Variants in RASSF8 observed in about 807,000 individuals in gnomAD.
RASSF8 encodes the protein Ras association domain family member 8.
A neutral mutation model predicts 48.5 loss-of-function variants in RASSF8; 22 were observed. That is an observed-to-expected ratio of 0.45 (90% CI 0.32 to 0.65). RASSF8 has a LOEUF of 0.65. Ranked by LOEUF, RASSF8 falls within the 30% of genes least tolerant of loss-of-function variation. The probability of loss-of-function intolerance (pLI) is 0.03; values close to 1 mark genes in which losing one functional copy is unlikely to be tolerated. For synonymous variants in RASSF8, 127 were observed against 171.5 expected (o/e 0.74, Z 2.03); for missense variants, 418 against 489.2 (o/e 0.85, Z 1.37).
chr12:26,017,093 A>G (rs1462213202), intron 2 of RASSF8, among the ~76,000 whole-genome samples: 2 of 152,108 alleles, frequency 1.3e-5, no homozygotes, highest in Non-Finnish European at 2.9e-5. Context: ...ATGGGAATAA[A>G]AAGCTATTTA....
chr12:26,029,170 A>G (rs1942976993), intron 2 of RASSF8, among the ~76,000 whole-genome samples: 1 of 152,120 alleles, frequency 6.6e-6, no homozygotes, highest in Non-Finnish European at 1.5e-5. Flanking sequence ...GATTTTTCTC[A>G]TGTCTATCAT....
intron 2 of RASSF8, among the ~76,000 whole-genome samples, chr12:26,046,087 A>G (rs559673127): frequency 6.6e-6 from 1 of 152,292 alleles, no homozygotes; most frequent in Non-Finnish European, 1.5e-5. Flanking sequence ...GAGAGACTGG[A>G]AGGAGCAGTT....
intron 1 of RASSF8, among the ~76,000 whole-genome samples, chr12:25,991,780 T>C (rs1942020014): frequency 6.6e-6 from 1 of 152,208 alleles, no homozygotes; most frequent in African/African-American, 2.4e-5. Context: ...GTACAGGTTA[T>C]CTCTGTTCAT....
chr12:26,073,075 G>A (rs538673826), downstream of RASSF8, among the ~76,000 whole-genome samples: 115 of 152,312 alleles, frequency 7.6e-4, no homozygotes, highest in Non-Finnish European at 1.2e-3. Context: ...TATTTCAAAA[G>A]TGAAAGAAGA....
chr12:25,988,136 C>G (rs774905755), intron 1 of RASSF8, among the ~76,000 whole-genome samples: 41 of 151,840 alleles, frequency 2.7e-4, no homozygotes, highest in Non-Finnish European at 5.0e-4. Flanking sequence ...GCTGGGATTA[C>G]AGGTGTGAGC....
chr12:26,078,293 C>A (rs1591828391), intron 5 of RASSF8, among the ~76,000 whole-genome samples: 1 of 152,158 alleles, frequency 6.6e-6, no homozygotes. Context: ...ATAGGAAGTG[C>A]TTGTGATTTT....
exon 6 of RASSF8, chr12:26,079,416 C>A (rs185864567): frequency 7.3e-5 from 12 of 163,542 alleles, no homozygotes; most frequent in Admixed American, 1.9e-4. Flanking sequence ...TGGGCTAACA[C>A]CCATCTCTAC....
chr12:26,056,174 C>T (rs938441494), intron 3 of RASSF8, among the ~76,000 whole-genome samples: 2 of 152,090 alleles, frequency 1.3e-5, no homozygotes, highest in African/African-American at 4.8e-5. Context: ...GACAGCGAAA[C>T]TCGGTCTCAA....
intron 1 of RASSF8, among the ~76,000 whole-genome samples, chr12:25,971,824 T>G (rs765857368): frequency 6.6e-6 from 1 of 152,246 alleles, no homozygotes; most frequent in Non-Finnish European, 1.5e-5. Flanking sequence ...GGAGAAGTTT[T>G]CAGAGTTTGG....
intron 2 of RASSF8, among the ~76,000 whole-genome samples, chr12:26,024,359 G>A (rs1275407079): frequency 1.1e-4 from 16 of 152,124 alleles, no homozygotes; most frequent in Middle Eastern, 3.4e-3. Flanking sequence ...AAAAGTCTCC[G>A]TCCAAATGGC....
chr12:26,030,221 T>G (rs1241908790), intron 2 of RASSF8, among the ~76,000 whole-genome samples: 1 of 152,174 alleles, frequency 6.6e-6, no homozygotes, highest in Non-Finnish European at 1.5e-5. Context: ...TAGTAGGTTT[T>G]TTTCCCCCCA....
intron 2 of RASSF8, among the ~76,000 whole-genome samples, chr12:26,016,550 A>G (rs994013422): frequency 3.3e-5 from 5 of 152,180 alleles, no homozygotes; most frequent in Non-Finnish European, 5.9e-5. Flanking sequence ...ACATGTAAGA[A>G]TCTGTGCGAA....
At chr12:26,021,113 A>G (rs1048782496) in intron 2 of RASSF8, among the ~76,000 whole-genome samples, 15 of 152,328 alleles carry the variant, frequency 9.8e-5, no homozygotes, top group Admixed American at 9.8e-4. Context: ...CTCCCCTTTG[A>G]AAATGGCAGC....
intron 2 of RASSF8, among the ~76,000 whole-genome samples, chr12:26,009,443 G>A (rs919932924): frequency 2.0e-5 from 3 of 152,146 alleles, no homozygotes. Flanking sequence ...TAGTGGATGG[G>A]TGGTGGCGGA....
chr12:26,035,402 T>A (rs1051170082), intron 2 of RASSF8, among the ~76,000 whole-genome samples: 5 of 110,026 alleles, frequency 4.5e-5, no homozygotes, highest in African/African-American at 1.6e-4. Context: ...TATATGAAAT[T>A]ATATAATTAT....
chr12:26,039,376 G>T (rs1018271391), intron 2 of RASSF8, among the ~76,000 whole-genome samples: 4 of 151,912 alleles, frequency 2.6e-5, no homozygotes, highest in African/African-American at 9.7e-5. Flanking sequence ...TTGAGGCTGG[G>T]TGTTAGAGGG....
At chr12:25,991,406 T>C (rs1448368253) in intron 1 of RASSF8, among the ~76,000 whole-genome samples, 1 of 151,952 alleles carries the variant, frequency 6.6e-6, no homozygotes, top group African/African-American at 2.4e-5. Flanking sequence ...CCTACAGACG[T>C]AACTTTTTTT....
In RASSF8 at chr12:26,069,313, C is replaced by A; in HGVS notation, c.*495C>A. The stretch of plus-strand genomic sequence containing the variant: ...TCCATCCATGCATTGCTGATTTACA[C>A]TACACAAGTGTCCTAGGGTGCTCCA... On this transcript the variant is annotated 3_prime_UTR_variant, in exon 6 of 6. Coordinates refer to ENST00000689635, the MANE Select transcript of RASSF8 (RefSeq NM_001394098.1). 6 of 985,584 alleles carry A rather than the reference C, an allele frequency of 6.1e-6. No individual in the cohort carries two copies. The highest frequency in any genetic ancestry group is 7.2e-6 in the Non-Finnish European group (6 of 829,716). The allele number at this position is 985,584 out of a possible 1,614,324, so 61.1% of individuals were successfully genotyped here.
rs1944004219 is a variant in RASSF8, at chr12:26,071,716, C to T, written c.*2898C>T. 3 of 983,040 alleles carry T rather than the reference C, an allele frequency of 3.1e-6. No homozygotes were observed. The highest frequency in any genetic ancestry group is 1.8e-5 in the African/African-American group (1 of 57,054). 60.9% of individuals were successfully genotyped at this position (983,040 alleles called of 1,614,324 possible). Reference sequence around the variant, plus strand: ...AATAGGAGTTACCTATTTAATTCTCCCAGTCATCAATGAGGTAATCATCAA... The same window carrying T: ...AATAGGAGTTACCTATTTAATTCTCTCAGTCATCAATGAGGTAATCATCAA... On this transcript the variant is annotated 3_prime_UTR_variant, in exon 6 of 6. Transcript: ENST00000689635.
Sources: gnomAD v4.1 joint callset for allele counts (sites outside exome capture counted in the v4.1 genomes callset) on GRCh38, gnomAD v4.1.1 for gene constraint, MANE v1.5 for transcripts, NCBI Gene and HGNC (gene_info 2026-07-23, HGNC 2026-07-21) for gene names.